ZNF721: variants seen among roughly 807,000 people sequenced by gnomAD.
ZNF721 encodes zinc finger protein 721.
A neutral mutation model predicts 2.4 loss-of-function variants in ZNF721; 2 were observed. The ratio of observed to expected loss-of-function variants is 0.82; its 90% CI spans 0.34 to 2.58. ZNF721 has a LOEUF of 2.58. ZNF721 is among the 30% of genes most tolerant of loss of function. The pLI, the probability that ZNF721 is intolerant of heterozygous loss-of-function variation, is 0.11. For missense variants in ZNF721, 1,187 were observed against 1,085.5 expected (o/e 1.09, Z -1.31); for synonymous variants, 398 against 381.8 (o/e 1.04, Z -0.50).
At chr4:447,793 GAAGA>G (rs1714524848) in intron 2 of ZNF721, among the ~76,000 whole-genome samples, 1 of 151,818 alleles carries the variant, frequency 6.6e-6, no homozygotes, top group African/African-American at 2.4e-5. Context: ...TAAAAGTTCA[GAAGA>G]AAGGCCATTA....
chr4:483,903 C>T (rs1715831434), intron 1 of ZNF721, among the ~76,000 whole-genome samples: 1 of 152,154 alleles, frequency 6.6e-6, no homozygotes, highest in Non-Finnish European at 1.5e-5. Context: ...CCTCAGCCTC[C>T]TGGATTCAAG....
chr4:472,549 G>A, intron 2 of ZNF721, 26 bp downstream of exon 2: 4 of 1,589,064 alleles, frequency 2.5e-6, no homozygotes, highest in Non-Finnish European at 3.4e-6. Flanking sequence ...GGAGTATTAG[G>A]AATTATGCAT....
intron 2 of ZNF721, among the ~76,000 whole-genome samples, chr4:464,887 G>A (rs1433023716): frequency 1.3e-5 from 2 of 151,500 alleles, no homozygotes; most frequent in African/African-American, 2.4e-5. Flanking sequence ...AAACCATCAT[G>A]GCTAACACAG....
chr4:487,254 G>C (rs781851149), intron 1 of ZNF721, among the ~76,000 whole-genome samples: 56 of 152,182 alleles, frequency 3.7e-4, no homozygotes, highest in African/African-American at 1.3e-3. Flanking sequence ...CCAGTTTGGG[G>C]CCCAGGTTTA....
In ZNF721 at chr4:443,361, G is replaced by A; in HGVS notation, c.1106C>T (p.Ala369Val). The change falls in exon 3 of 3, where the codon GCC (alanine) becomes GTC (valine). Residue 369 changes from alanine to valine, a missense_variant. Ala to Val is a moderately conservative substitution (Grantham distance 64, BLOSUM62 0). Coordinates refer to ENST00000511833, the MANE Select transcript of ZNF721 (RefSeq NM_133474.4). Reference sequence around the variant, plus strand: ...ATTCAGGGCTGTGTACCGTCCAAAGGCTTTGCCACAGTCTTCGCATTTGTA... The same window carrying A: ...ATTCAGGGCTGTGTACCGTCCAAAGACTTTGCCACAGTCTTCGCATTTGTA... ...KPYKCEDCGK[A>V]FGRYTALNQH... 6.2e-7 allele frequency: 1 copy of A among 1,613,934 alleles called. No homozygotes were observed. Among genetic ancestry groups the A allele is most frequent in the Non-Finnish European group, 8.5e-7 (1 of 1,179,946 alleles).
rs1056007696 is a variant in ZNF721 at position 440,299 on chromosome 4, A to C, written c.*1396T>G. Reference sequence around the variant, plus strand: ...CACCTAATGCAAAGGAGTTTCTCATATCTCTGACGCAGCAACAATTTATCA... The same window carrying C: ...CACCTAATGCAAAGGAGTTTCTCATCTCTCTGACGCAGCAACAATTTATCA... On this transcript the variant is annotated 3_prime_UTR_variant, in exon 3 of 3. Transcript: ENST00000511833. 6.6e-6 allele frequency: 1 copy of C among 152,214 alleles called. No individual in the cohort carries two copies. The highest frequency in any genetic ancestry group is 1.5e-5 in the Non-Finnish European group (1 of 68,044). The allele number at this position is 152,214 out of a possible 1,614,324, so 9.4% of individuals were successfully genotyped here.
intron 2 of ZNF721, among the ~76,000 whole-genome samples, chr4:458,158 T>G (rs1469325685): frequency 1.3e-5 from 2 of 152,238 alleles, no homozygotes; most frequent in Non-Finnish European, 2.9e-5. Flanking sequence ...TATCAGCACC[T>G]TAATCTGCAG....
intron 2 of ZNF721, among the ~76,000 whole-genome samples, chr4:447,634 C>T (rs1714518360): frequency 6.6e-6 from 1 of 152,056 alleles, no homozygotes; most frequent in Admixed American, 6.6e-5. Context: ...TAACATGATC[C>T]AGCTTGCTTT....
chr4:478,386 C>T (rs548478411), intron 1 of ZNF721, among the ~76,000 whole-genome samples: 1 of 151,828 alleles, frequency 6.6e-6, no homozygotes, highest in East Asian at 1.9e-4. Context: ...AAAGATTTAC[C>T]CCTTTTCTAT....
chr4:464,330 C>T (rs1385091779), intron 2 of ZNF721, among the ~76,000 whole-genome samples: 1 of 151,950 alleles, frequency 6.6e-6, no homozygotes, highest in Non-Finnish European at 1.5e-5. Flanking sequence ...ATTGGCTGGA[C>T]ATGGTGGCAG....
At chr4:472,350 G>A (rs1553867787) in intron 2 of ZNF721, among the ~76,000 whole-genome samples, 1 of 152,172 alleles carries the variant, frequency 6.6e-6, no homozygotes, top group Admixed American at 6.5e-5. Flanking sequence ...GTGAGCCACT[G>A]CACCCAGCCC....
At chr4:464,654 T>C (rs1165594717) in intron 2 of ZNF721, among the ~76,000 whole-genome samples, 1 of 152,112 alleles carries the variant, frequency 6.6e-6, no homozygotes, top group Non-Finnish European at 1.5e-5. Context: ...TTTTTATACA[T>C]AGAGGTTAAC....
At chr4:490,094 G>A (rs1198913800) in intron 1 of ZNF721, among the ~76,000 whole-genome samples, 1 of 151,862 alleles carries the variant, frequency 6.6e-6, no homozygotes, top group African/African-American at 2.4e-5. Context: ...CCCTGACCTC[G>A]TGATCCACCC....
In ZNF721 at chr4:443,397, C is replaced by T. The variant is rs200359178; in HGVS notation, c.1070G>A (p.Gly357Glu). The part of the protein sequence containing the change: ...NLYVHRRIHT[G>E]EKPYKCEDCG... ...GTCTTCGCATTTGTAAGGTTTCTCT[C>T]CAGTATGAATTCTCCTATGTACGTA... Residue 357 changes from glycine to glutamate, a missense_variant, in exon 3 of 3, where the codon GGA becomes GAA. Transcript: ENST00000511833. 231 of 1,613,072 alleles carry T rather than the reference C, an allele frequency of 1.4e-4. 3 individuals are homozygous for T. The East Asian group carries it at 2.7e-3, about 19-fold the overall frequency.
At chr4:491,351 G>A (rs1163093178) in intron 1 of ZNF721, among the ~76,000 whole-genome samples, 2 of 152,184 alleles carry the variant, frequency 1.3e-5, no homozygotes, top group Non-Finnish European at 2.9e-5. Context: ...CCAGGAGGCG[G>A]AGGTTGCAGT....
At chr4:475,545 C>G (rs1399172723) in intron 1 of ZNF721, among the ~76,000 whole-genome samples, 1 of 152,192 alleles carries the variant, frequency 6.6e-6, no homozygotes, top group Non-Finnish European at 1.5e-5. Flanking sequence ...GGTCATTACT[C>G]ATACTTCTGG....
chr4:456,365 C>T (rs572595218), intron 2 of ZNF721, among the ~76,000 whole-genome samples: 3 of 152,024 alleles, frequency 2.0e-5, no homozygotes, highest in Admixed American at 1.3e-4. Context: ...CCACCATGCC[C>T]GGCCTATCAA....
intron 2 of ZNF721, among the ~76,000 whole-genome samples, chr4:465,994 CTTTTCT>C (rs1553866731): frequency 6.8e-6 from 1 of 146,004 alleles, no homozygotes; most frequent in African/African-American, 2.6e-5. Context: ...TGTCGTTTTT[CTTTTCT>C]TTTTTTTTTT....
chr4:444,239 AGTATTTGACAAGCATTTAT>A lies in ZNF721; in HGVS notation c.209_227del (p.Asn70IlefsTer49). On this transcript the variant is annotated frameshift_variant, in exon 3 of 3. Coordinates refer to ENST00000511833, the MANE Select transcript of ZNF721 (RefSeq NM_133474.4). LOFTEE classifies it low-confidence loss of function (END_TRUNC). The stretch of plus-strand genomic sequence containing the variant: ...CATTACATTGAAATATTTTGCTCTG[AGTATTTGACAAGCATTTAT>A]TAATTCCATTATAAACTCCCTTCTG... 6.2e-7 allele frequency: 1 copy of A among 1,613,660 alleles called. No individual in the cohort carries two copies. Among genetic ancestry groups the A allele is most frequent in the Non-Finnish European group, 8.5e-7 (1 of 1,179,710 alleles).
Sources: gnomAD v4.1 joint callset for allele counts (sites outside exome capture counted in the v4.1 genomes callset) on GRCh38, gnomAD v4.1.1 for gene constraint, MANE v1.5 for transcripts, NCBI Gene and HGNC (gene_info 2026-07-23, HGNC 2026-07-21) for gene names.